The following PCDHA3 variants were observed in gnomAD, a reference collection of about 807,000 sequenced individuals.
The protein encoded by PCDHA3 is protocadherin alpha 3, also known as protocadherin alpha-3.
PCDHA3 carries 41 observed loss-of-function variants against 62.2 expected under a neutral mutation model. The ratio of observed to expected loss-of-function variants is 0.66; its 90% CI spans 0.51 to 0.86. The LOEUF (loss-of-function observed/expected upper bound fraction) is 0.86. PCDHA3 is among the 40% of genes least tolerant of loss of function. PCDHA3 has a pLI of 0.00. For synonymous variants in PCDHA3, 640 were observed against 555.4 expected (o/e 1.15, Z -2.14); for missense variants, 1,304 against 1,241.2 (o/e 1.05, Z -0.76).
intron 1 of PCDHA3, among the ~76,000 whole-genome samples, chr5:140,881,116 TG>T (rs1181000408): frequency 3.3e-5 from 5 of 152,242 alleles, no homozygotes; most frequent in African/African-American, 7.2e-5. Flanking sequence ...CCTGGGATTT[TG>T]TGGCTTGGTA....
intron 1 of PCDHA3, among the ~76,000 whole-genome samples, chr5:140,820,111 G>A (rs1766687822): frequency 6.6e-6 from 1 of 151,836 alleles, no homozygotes; most frequent in South Asian, 2.1e-4. Context: ...ATTTTCTTAT[G>A]TTTTTAACCA....
intron 3 of PCDHA3, among the ~76,000 whole-genome samples, chr5:140,988,428 G>A (rs1186229744): frequency 6.6e-6 from 1 of 152,160 alleles, no homozygotes; most frequent in Non-Finnish European, 1.5e-5. Context: ...GAATTTGTTT[G>A]TTTTGGATTG....
At chr5:140,993,668 A>G (rs551356894) in intron 3 of PCDHA3, among the ~76,000 whole-genome samples, 167 of 152,322 alleles carry the variant, frequency 1.1e-3, no homozygotes, top group African/African-American at 3.4e-3. Context: ...ACAATGGACC[A>G]CATATGTGAC....
intron 1 of PCDHA3, chr5:140,828,582 C>T: frequency 6.2e-7 from 1 of 1,614,224 alleles, no homozygotes; most frequent in South Asian, 1.1e-5. Context: ...GATGTTGGCT[C>T]AAATTCCATC....
rs1299551760 is a variant in PCDHA3 at position 140,802,980 on chromosome 5, C to A, written c.1783C>A (p.Arg595Ser). Residue 595 changes from arginine to serine, a missense_variant, in exon 1 of 4, where the codon CGC (arginine) becomes AGC (serine). By Grantham distance (110) the Arg-to-Ser change is moderately radical. Transcript: ENST00000522353. ...TGCGGGCCACGTGGTAGCGAAGGTGCGCGCAGTGGATGCAGACTCAGGCTA... is the reference window on the plus strand; with the variant it reads ...TGCGGGCCACGTGGTAGCGAAGGTGAGCGCAGTGGATGCAGACTCAGGCTA... ...VGAGHVVAKV[R>S]AVDADSGYNA... is the part of the protein sequence containing the mutation. 5 of 1,613,998 alleles carry A rather than the reference C, an allele frequency of 3.1e-6. No individual in the cohort carries two copies. The highest frequency in any genetic ancestry group is 4.2e-6 in the Non-Finnish European group (5 of 1,179,918).
At chr5:140,952,962 C>A (rs246032) in intron 1 of PCDHA3, among the ~76,000 whole-genome samples, 85,448 of 151,620 alleles carry the variant, frequency 0.56, 24,697 homozygotes, top group African/African-American at 0.69. Context: ...GGAAGTGATA[C>A]ACACTTTTAA....
chr5:140,823,932 G>T (rs2150130492), intron 1 of PCDHA3: 2 of 1,613,980 alleles, frequency 1.2e-6, no homozygotes, highest in South Asian at 2.2e-5. Context: ...TGTACACCGC[G>T]CTGCGGTGCT....
chr5:140,840,028 C>T (rs1159245345), intron 1 of PCDHA3, among the ~76,000 whole-genome samples: 2 of 151,974 alleles, frequency 1.3e-5, no homozygotes, highest in Non-Finnish European at 2.9e-5. Context: ...GGTCACGTAG[C>T]GTATCTCCCA....
chr5:140,976,303 C>A (rs1458121600), intron 1 of PCDHA3, among the ~76,000 whole-genome samples: 10 of 152,090 alleles, frequency 6.6e-5, no homozygotes, highest in Non-Finnish European at 1.3e-4. Flanking sequence ...GTAATCCCAG[C>A]ACTTTGGGAG....
chr5:140,930,912 T>C (rs1205979304), intron 1 of PCDHA3, among the ~76,000 whole-genome samples: 3 of 152,196 alleles, frequency 2.0e-5, no homozygotes, highest in Non-Finnish European at 4.4e-5. Flanking sequence ...TTTTCTACTT[T>C]AGATGTGTAT....
At chr5:140,932,734 C>G (rs1295804671) in intron 1 of PCDHA3, among the ~76,000 whole-genome samples, 2 of 151,588 alleles carry the variant, frequency 1.3e-5, no homozygotes, top group Non-Finnish European at 1.5e-5. Context: ...AATATAGACC[C>G]TCAAATCAGT....
At chr5:140,832,784 G>A (rs1414101798) in intron 1 of PCDHA3, among the ~76,000 whole-genome samples, 1 of 152,146 alleles carries the variant, frequency 6.6e-6, no homozygotes, top group African/African-American at 2.4e-5. Context: ...TGCTAGAAAG[G>A]TACATCATAG....
chr5:140,874,129 GTTATC>G (rs1339746498), intron 1 of PCDHA3, among the ~76,000 whole-genome samples: 2 of 151,518 alleles, frequency 1.3e-5, no homozygotes, highest in Non-Finnish European at 2.9e-5. Flanking sequence ...GTTTATTTAA[GTTATC>G]TTATACTTGT....
chr5:140,824,610 G>GTTGTTTTTTTTTTTTT (rs1768193318), intron 1 of PCDHA3: 3 of 95,112 alleles, frequency 3.2e-5, no homozygotes, highest in African/African-American at 1.5e-4. Context: ...GCTAATTAAA[G>GTTGTTTTTTTTTTTTT]TTTTTTTTTT....
chr5:140,941,214 C>CTTCTTTCTTT (rs1554214039), intron 1 of PCDHA3, among the ~76,000 whole-genome samples: 1 of 122,414 alleles, frequency 8.2e-6, no homozygotes, highest in Admixed American at 8.5e-5. Context: ...TTTCTTTCTT[C>CTTCTTTCTTT]CTTTCTTTCT....
At chr5:140,858,605 T>C (rs553423419) in intron 1 of PCDHA3, 1 of 1,265,752 alleles carries the variant, frequency 7.9e-7, no homozygotes, top group South Asian at 1.5e-5. Flanking sequence ...AGTTTTAAAA[T>C]TTTTTTATCC....
At chr5:140,921,414 T>G (rs2080207969) in intron 1 of PCDHA3, among the ~76,000 whole-genome samples, 1 of 152,206 alleles carries the variant, frequency 6.6e-6, no homozygotes, top group Admixed American at 6.5e-5. Flanking sequence ...TCCTCTGTGC[T>G]GCAGACAAAA....
intron 3 of PCDHA3, among the ~76,000 whole-genome samples, chr5:140,994,851 A>C (rs1178274121): frequency 1.3e-5 from 2 of 149,076 alleles, no homozygotes; most frequent in African/African-American, 5.2e-5. Flanking sequence ...AGATGAGTGC[A>C]TTTGATGGAT....
chr5:140,946,353 A>C (rs2093933429), intron 1 of PCDHA3, among the ~76,000 whole-genome samples: 1 of 151,910 alleles, frequency 6.6e-6, no homozygotes, highest in Admixed American at 6.6e-5. Context: ...GAGGATGTGG[A>C]GAAAAGGGAA....
Sources: gnomAD v4.1 joint callset for allele counts (sites outside exome capture counted in the v4.1 genomes callset) on GRCh38, gnomAD v4.1.1 for gene constraint, MANE v1.5 for transcripts, NCBI Gene and HGNC (gene_info 2026-07-23, HGNC 2026-07-21) for gene names.